CAST: variants seen among roughly 807,000 people sequenced by gnomAD.
CAST encodes the protein MIR583 host.
Under a neutral mutation model 119.6 loss-of-function variants are expected in CAST, and 76 were observed. That is an observed-to-expected ratio of 0.64 (90% CI 0.53 to 0.77). The LOEUF is 0.77. CAST is among the 30% of genes least tolerant of loss of function. The pLI is 0.00. For synonymous variants in CAST, 319 were observed against 331.6 expected, an observed-to-expected ratio of 0.96 and a Z score of 0.41; for missense variants, 953 against 946.5, an observed-to-expected ratio of 1.01 and a Z score of -0.09.
At chr5:96,251,412 CA>C in the CAST span, among the ~76,000 whole-genome samples, 3 of 152,126 alleles carry the variant, frequency 2.0e-5, no homozygotes, top group Non-Finnish European at 4.4e-5. Flanking sequence ...ATAGCACCTA[CA>C]AGTTGATCTA....
intron 29 of CAST, 88 bp downstream of exon 29, chr5:96,768,087 C>CT: frequency 1.1e-6 from 1 of 890,954 alleles, no homozygotes; most frequent in African/African-American, 1.7e-5. Flanking sequence ...ATTGATCTAT[C>CT]TATCGGTCTG....
At chr5:96,046,746 A>G in the CAST span, among the ~76,000 whole-genome samples, 1 of 152,234 alleles carries the variant, frequency 6.6e-6, no homozygotes, top group African/African-American at 2.4e-5. Context: ...GAGAAGAAAA[A>G]GAGGTTTAAT....
chr5:96,272,111 G>A, the CAST span, among the ~76,000 whole-genome samples: 12 of 152,126 alleles, frequency 7.9e-5, no homozygotes, highest in Middle Eastern at 6.8e-3. Context: ...GGGGGATAAC[G>A]AATGCCAACA....
At chr5:96,557,429 G>C (rs1039962936) in intron 1 of CAST, among the ~76,000 whole-genome samples, 10 of 152,008 alleles carry the variant, frequency 6.6e-5, no homozygotes, top group Non-Finnish European at 1.2e-4. Context: ...TGGATAAATA[G>C]TCAAGACCCA....
intron 2 of CAST, among the ~76,000 whole-genome samples, chr5:96,677,204 A>AC (rs1750820722): frequency 1.3e-5 from 2 of 152,178 alleles, no homozygotes; most frequent in Admixed American, 6.5e-5. Context: ...TATTCTCCAG[A>AC]CCAGTAAACA....
the CAST span, among the ~76,000 whole-genome samples, chr5:96,135,606 A>T: frequency 6.6e-6 from 1 of 152,160 alleles, no homozygotes; most frequent in Non-Finnish European, 1.5e-5. Flanking sequence ...GAGATCTCAG[A>T]TCTATAGCCT....
At chr5:96,178,676 T>C in the CAST span, among the ~76,000 whole-genome samples, 1 of 152,102 alleles carries the variant, frequency 6.6e-6, no homozygotes, top group Non-Finnish European at 1.5e-5. Flanking sequence ...TTGTTTGTTA[T>C]GGGGGAGCAC....
the CAST span, among the ~76,000 whole-genome samples, chr5:96,359,956 A>T: frequency 1.3e-5 from 2 of 152,126 alleles, no homozygotes; most frequent in African/African-American, 2.4e-5. Context: ...TCTCCCCGTC[A>T]CTTTCAGGTA....
At chr5:96,603,374 C>T (rs1183119358) in intron 1 of CAST, among the ~76,000 whole-genome samples, 1 of 152,106 alleles carries the variant, frequency 6.6e-6, no homozygotes, top group Non-Finnish European at 1.5e-5. Context: ...ATCTTATAAG[C>T]TTTTTTCTAT....
chr5:96,324,422 C>T, the CAST span, among the ~76,000 whole-genome samples: 10 of 152,322 alleles, frequency 6.6e-5, no homozygotes, highest in Admixed American at 2.0e-4. Context: ...TGGCCTTTAT[C>T]CTAATCGTAA....
the CAST span, among the ~76,000 whole-genome samples, chr5:96,077,281 C>T: frequency 1.8e-3 from 276 of 152,090 alleles, 1 homozygote; most frequent in African/African-American, 6.1e-3. Context: ...GTTAAGATTA[C>T]GAACATCTTT....
At chr5:96,584,493 A>G (rs1746822516) in intron 1 of CAST, 3 of 152,260 alleles carry the variant, frequency 2.0e-5, no homozygotes, top group Admixed American at 2.0e-4. Flanking sequence ...TAGGTGGAGC[A>G]AAGTAGGAAA....
At chr5:96,062,181 C>A in the CAST span, among the ~76,000 whole-genome samples, 1 of 152,050 alleles carries the variant, frequency 6.6e-6, no homozygotes, top group Non-Finnish European at 1.5e-5. Context: ...ACCAAGGAAC[C>A]CTTTACAGCA....
chr5:96,560,133 T>C (rs1054443797), intron 1 of CAST, among the ~76,000 whole-genome samples: 86 of 151,254 alleles, frequency 5.7e-4, no homozygotes, highest in Non-Finnish European at 1.2e-3. Flanking sequence ...TAAATGGTGC[T>C]GGGAAAACTG....
intron 1 of CAST, among the ~76,000 whole-genome samples, chr5:96,588,016 T>G (rs1418928277): frequency 6.6e-6 from 1 of 152,088 alleles, no homozygotes; most frequent in Admixed American, 6.6e-5. Context: ...TCTAGCTGTA[T>G]AGAGTTTTGT....
chr5:96,381,420 T>G, the CAST span, among the ~76,000 whole-genome samples: 1,386 of 152,262 alleles, frequency 9.1e-3, 17 homozygotes, highest in African/African-American at 0.032. Context: ...CCAAAAACTT[T>G]AAGAACTGTT....
intron 20 of CAST, among the ~76,000 whole-genome samples, chr5:96,753,311 A>G (rs1765558633): frequency 6.6e-6 from 1 of 152,112 alleles, no homozygotes; most frequent in South Asian, 2.1e-4. Flanking sequence ...TGTTCTCTTC[A>G]TTAAAAAAGA....
the CAST span, among the ~76,000 whole-genome samples, chr5:96,242,299 A>ATTAT: frequency 6.6e-6 from 1 of 152,110 alleles, no homozygotes; most frequent in Non-Finnish European, 1.5e-5. Flanking sequence ...ATTTAAATTA[A>ATTAT]TTATTTATTT....
chr5:96,337,181 T>C, the CAST span, among the ~76,000 whole-genome samples: 22 of 152,228 alleles, frequency 1.4e-4, no homozygotes, highest in Admixed American at 3.9e-4. Context: ...GGGTCTCTTC[T>C]GACATGAGAG....
Sources: allele counts gnomAD v4.1 joint callset (sites outside exome capture counted in the v4.1 genomes callset), GRCh38; gene constraint gnomAD v4.1.1; transcripts MANE v1.5; gene names NCBI Gene and HGNC (gene_info 2026-07-23, HGNC 2026-07-21).